Variants in OVCH1 observed in about 807,000 individuals in gnomAD.
The protein encoded by OVCH1 is ovochymase-1.
Under a neutral mutation model 138.4 loss-of-function variants are expected in OVCH1, and 139 were observed. The observed-to-expected ratio is 1.00, with a 90% CI of 0.87 to 1.16. The LOEUF (loss-of-function observed/expected upper bound fraction) is 1.16, where lower values mean the gene tolerates loss of function less well. OVCH1 is among the 50% of genes most tolerant of loss of function. OVCH1 has a pLI of 0.00. For missense variants in OVCH1, 1,367 were observed against 1,357.9 expected (o/e 1.01, Z -0.11); for synonymous variants, 453 against 467.8 (o/e 0.97, Z 0.41).
chr12:29,479,816 TTTTTTTTC>T (rs990586918), intron 8 of OVCH1, among the ~76,000 whole-genome samples: 5 of 129,826 alleles, frequency 3.9e-5, no homozygotes, highest in Non-Finnish European at 3.5e-5. Flanking sequence ...TTGGCAACTC[TTTTTTTTC>T]TTTTTTTTTT....
At chr12:29,480,769 CCTT>C (rs914497204) in intron 8 of OVCH1, among the ~76,000 whole-genome samples, 1 of 152,090 alleles carries the variant, frequency 6.6e-6, no homozygotes, top group Non-Finnish European at 1.5e-5. Flanking sequence ...ACTCTCTCCT[CCTT>C]CTTTATATTA....
chr12:29,427,179 T>G (rs1941193658), downstream of OVCH1, among the ~76,000 whole-genome samples: 1 of 152,188 alleles, frequency 6.6e-6, no homozygotes, highest in African/African-American at 2.4e-5. Context: ...CTCTCTCTAG[T>G]CACTCTGACC....
chr12:29,447,956 A>T (rs1941664970), intron 22 of OVCH1, among the ~76,000 whole-genome samples: 1 of 151,848 alleles, frequency 6.6e-6, no homozygotes, highest in Non-Finnish European at 1.5e-5. Flanking sequence ...TGAAACTCAT[A>T]CTCAATAGGG....
intron 3 of OVCH1, among the ~76,000 whole-genome samples, chr12:29,421,602 A>G (rs949137344): frequency 1.3e-5 from 2 of 152,202 alleles, no homozygotes; most frequent in Admixed American, 6.5e-5. Flanking sequence ...ATTCCAGTGT[A>G]ACAGATATCT....
intron 19 of OVCH1, among the ~76,000 whole-genome samples, chr12:29,455,839 A>C (rs1396572128): frequency 6.6e-6 from 1 of 152,068 alleles, no homozygotes; most frequent in Non-Finnish European, 1.5e-5. Context: ...TCTTTTTTTA[A>C]ATTTTTTTAA....
At chr12:29,490,726 C>A (rs564849028) in intron 5 of OVCH1, among the ~76,000 whole-genome samples, 3 of 152,318 alleles carry the variant, frequency 2.0e-5, no homozygotes, top group Admixed American at 2.0e-4. Flanking sequence ...TTCTCAAATT[C>A]CAGGTAATCA....
At chr12:29,465,459 G>A (rs1464854493) in intron 16 of OVCH1, among the ~76,000 whole-genome samples, 5 of 152,272 alleles carry the variant, frequency 3.3e-5, no homozygotes, top group African/African-American at 1.2e-4. Flanking sequence ...CAGCAAAGCA[G>A]AAGAGAGAGA....
intron 8 of OVCH1, among the ~76,000 whole-genome samples, chr12:29,479,729 C>T (rs571394762): frequency 3.3e-5 from 5 of 151,914 alleles, no homozygotes; most frequent in Non-Finnish European, 4.4e-5. Context: ...TAAGGACTTT[C>T]GGAATTAGTC....
chr12:29,487,562 T>C (rs1457936275), intron 7 of OVCH1, 131 bp downstream of exon 7: 3 of 846,588 alleles, frequency 3.5e-6, no homozygotes, highest in Non-Finnish European at 5.3e-6. Flanking sequence ...GACAAGTATC[T>C]ACACTGGACT....
exon 5 of OVCH1, chr12:29,491,125 T>G: frequency 6.2e-7 from 1 of 1,613,776 alleles, no homozygotes; most frequent in East Asian, 2.2e-5. Flanking sequence ...ATCCACTGGA[T>G]AAGCAAAGAA....
chr12:29,413,382 G>A (rs752887919), intron 3 of OVCH1, among the ~76,000 whole-genome samples: 2 of 152,052 alleles, frequency 1.3e-5, no homozygotes, highest in Non-Finnish European at 2.9e-5. Flanking sequence ...GTGCCTCTAG[G>A]ACATCACCTT....
downstream of OVCH1, among the ~76,000 whole-genome samples, chr12:29,407,666 A>C (rs993719853): frequency 2.0e-5 from 3 of 152,006 alleles, no homozygotes; most frequent in Non-Finnish European, 2.9e-5. Context: ...ATTGGTCTCT[A>C]TCTCTGTTTT....
At chr12:29,429,562 T>C (rs555067286) in intron 27 of OVCH1, among the ~76,000 whole-genome samples, 86 of 152,382 alleles carry the variant, frequency 5.6e-4, no homozygotes, top group Non-Finnish European at 1.2e-3. Flanking sequence ...AATTGATTGC[T>C]GATATGGTCT....
At chr12:29,489,693 C>G (rs545199405) in exon 6 of OVCH1, 1 of 1,610,192 alleles carries the variant, frequency 6.2e-7, no homozygotes, top group Admixed American at 1.7e-5. Context: ...GAGGTTCATG[C>G]TCTTGAGCAC....
intron 26 of OVCH1, among the ~76,000 whole-genome samples, chr12:29,434,736 C>T (rs1941328490): frequency 6.6e-6 from 1 of 151,932 alleles, no homozygotes; most frequent in South Asian, 2.1e-4. Context: ...CCTTACTATT[C>T]ATCAAGACAA....
At position 29,478,909 on chromosome 12, in the gene OVCH1, C is replaced by T. The variant is rs1234632844; in HGVS notation, c.996-1G>A. The T allele has an allele frequency of 1.3e-6, 2 of 1,577,320 alleles. No homozygotes were observed. Among genetic ancestry groups the T allele is most frequent in the East Asian group, 2.3e-5 (1 of 43,116 alleles). ...TCCAACTTGCTTTTCCATGTCTAAA[C>T]TTGTAAATTTTATCAGGATTATTTT... On this transcript the variant is annotated splice_acceptor_variant, in intron 8 of 27. Coordinates refer to ENST00000318184, the Ensembl canonical transcript of OVCH1. LOFTEE classifies it high-confidence loss of function.
intron 3 of OVCH1, among the ~76,000 whole-genome samples, chr12:29,419,723 C>G (rs1200634681): frequency 6.6e-6 from 1 of 152,214 alleles, no homozygotes; most frequent in African/African-American, 2.4e-5. Flanking sequence ...TATATTTACT[C>G]CCTGTAAAAT....
chr12:29,483,765 C>A (rs1199141570), intron 8 of OVCH1, among the ~76,000 whole-genome samples: 1 of 152,164 alleles, frequency 6.6e-6, no homozygotes, highest in Non-Finnish European at 1.5e-5. Context: ...CTGTTGAAAT[C>A]TTCAGTATTA....
At chr12:29,421,083 G>T (rs548123434) in intron 3 of OVCH1, among the ~76,000 whole-genome samples, 12 of 152,316 alleles carry the variant, frequency 7.9e-5, no homozygotes, top group African/African-American at 2.4e-4. Context: ...CTGTTTTGTG[G>T]CCAGGGAGCC....
Sources: allele counts gnomAD v4.1 joint callset (sites outside exome capture counted in the v4.1 genomes callset), GRCh38; gene constraint gnomAD v4.1.1; transcripts MANE v1.5; gene names NCBI Gene and HGNC (gene_info 2026-07-23, HGNC 2026-07-21).